SLC16A5: variants seen among roughly 807,000 people sequenced by gnomAD.
SLC16A5 encodes the protein solute carrier family 16 member 5.
SLC16A5 carries 29 observed loss-of-function variants against 33.2 expected under a neutral mutation model. The observed-to-expected ratio is 0.87, with a 90% CI of 0.65 to 1.19. The LOEUF is 1.19. Ranked by LOEUF, SLC16A5 falls within the 50% of genes most tolerant of loss-of-function variation. The pLI, the probability that SLC16A5 is intolerant of heterozygous loss-of-function variation, is 0.00. For synonymous variants in SLC16A5, 248 were observed against 284.1 expected (o/e 0.87, Z 1.28); for missense variants, 606 against 678.2 (o/e 0.89, Z 1.18).
chr17:75,103,920 G>T (rs1476159262), intron 5 of SLC16A5, 50 bp from the exon 6 acceptor site: 1 of 1,549,586 alleles, frequency 6.5e-7, no homozygotes, highest in Non-Finnish European at 8.9e-7. Context: ...ACACAGCTGA[G>T]TTGGGGGGAG....
At chr17:75,104,340 C>T in intron 6 of SLC16A5, 160 bp downstream of exon 6, 1 of 1,447,984 alleles carries the variant, frequency 6.9e-7, no homozygotes, top group East Asian at 2.5e-5. Context: ...CCCGGGCTGT[C>T]CAGGCTCTGC....
chr17:75,089,806 A>C (rs2073614464), intron 2 of SLC16A5: 1 of 150,560 alleles, frequency 6.6e-6, no homozygotes, highest in African/African-American at 2.4e-5. Flanking sequence ...GGTGCAGCCC[A>C]GCCTGGGGTG....
chr17:75,098,372 G>A (rs71380871), intron 4 of SLC16A5, among the ~76,000 whole-genome samples, 191 bp downstream of exon 4: 12,346 of 151,538 alleles, frequency 0.081, 720 homozygotes, highest in African/African-American at 0.17. Context: ...AGACTAGCCC[G>A]GCCAACATGG....
Position 75,105,860 on chromosome 17 carries a change from G to A in SLC16A5, c.1365-20G>A. ...GCTCCGCAAGAAAACCTTATCAGGA[G>A]ATTTTATTTTCATGAACAGGTGCCA... On this transcript the variant is annotated intron_variant, in intron 6 of 6. Transcript: ENST00000329783. 1 of 1,567,632 alleles carries A rather than the reference G, an allele frequency of 6.4e-7. No homozygotes were observed. The highest frequency in any genetic ancestry group is 8.7e-7 in the Non-Finnish European group (1 of 1,151,428).
chr17:75,100,952 T>TA, intron 5 of SLC16A5, 136 bp downstream of exon 5: 1 of 922,130 alleles, frequency 1.1e-6, no homozygotes, highest in South Asian at 1.8e-5. Flanking sequence ...TATGAACAGT[T>TA]AAAAACATGG....
chr17:75,099,719 G>A (rs554184702), intron 4 of SLC16A5, among the ~76,000 whole-genome samples: 13 of 152,312 alleles, frequency 8.5e-5, no homozygotes, highest in African/African-American at 2.9e-4. Flanking sequence ...GATTACAGGC[G>A]TGAGCCACCG....
In SLC16A5 at chr17:75,093,582, T is replaced by TC. The variant is rs747665475; in HGVS notation, c.-48-3dup. ...GACCACCAGGCTCCATTCTGTCCCC[T>TC]CCCCAGGCAGCAGCCACATTGGCAG... On this transcript the variant is annotated splice_polypyrimidine_tract_variant and splice_region_variant and intron_variant, in intron 2 of 6. Transcript: ENST00000329783. The TC allele has an allele frequency of 6.7e-7, 1 of 1,503,504 alleles. No homozygotes were observed. Among genetic ancestry groups the TC allele is most frequent in the South Asian group, 1.1e-5 (1 of 87,204 alleles). 93.1% of individuals were successfully genotyped at this position (1,503,504 alleles called of 1,614,324 possible).
intron 3 of SLC16A5, among the ~76,000 whole-genome samples, chr17:75,096,154 G>A (rs1192109820): frequency 1.3e-5 from 2 of 151,920 alleles, no homozygotes; most frequent in South Asian, 4.1e-4. Context: ...TACTTTCACT[G>A]ATCCTTTCAA....
chr17:75,103,501 TG>T (rs2073825517), intron 5 of SLC16A5, among the ~76,000 whole-genome samples: 1 of 151,596 alleles, frequency 6.6e-6, no homozygotes, highest in South Asian at 2.1e-4. Context: ...GTCTAATTTT[TG>T]TAGTTTTGGT....
upstream of SLC16A5, chr17:75,087,885 G>C (rs1408879529): frequency 6.6e-6 from 1 of 152,484 alleles, no homozygotes; most frequent in Non-Finnish European, 1.5e-5. Context: ...GGAATCCCGG[G>C]GAGGCTGGAA....
downstream of SLC16A5, among the ~76,000 whole-genome samples, chr17:75,106,766 T>G (rs147313159): frequency 0.019 from 2,836 of 151,570 alleles, 37 homozygotes; most frequent in Non-Finnish European, 0.03. Flanking sequence ...GTGGTAGCAG[T>G]CGCCTGTAAT....
chr17:75,092,153 C>T (rs550736244), intron 2 of SLC16A5, among the ~76,000 whole-genome samples: 89 of 151,864 alleles, frequency 5.9e-4, no homozygotes, highest in Admixed American at 2.4e-3. Flanking sequence ...ATGCGTGTGT[C>T]TCTCTGTGTT....
chr17:75,089,677 C>G (rs1171110322), intron 2 of SLC16A5, among the ~76,000 whole-genome samples: 1 of 151,038 alleles, frequency 6.6e-6, no homozygotes, highest in Admixed American at 6.6e-5. Context: ...TTGCTTGAAC[C>G]CGGGAGGCAG....
At chr17:75,104,882 C>T (rs999077163) in intron 6 of SLC16A5, 12 of 985,342 alleles carry the variant, frequency 1.2e-5, no homozygotes, top group African/African-American at 5.2e-5. Context: ...GCCGGCTCAG[C>T]GCAGCTGGCT....
Position 75,100,227 on chromosome 17 carries a change from C to T in SLC16A5, c.564C>T (p.Ile188=). 3 of 1,614,250 alleles carry T rather than the reference C, an allele frequency of 1.9e-6. No homozygotes were observed. The highest frequency in any genetic ancestry group is 2.5e-6 in the Non-Finnish European group (3 of 1,180,038). The change falls in exon 5 of 7, where the codon ATC becomes ATT. Residue 188 remains isoleucine (I), a synonymous_variant. Transcript: ENST00000329783. ...TCCACTGCTGCATCTGCGGGGCCAT[C>T]ATAAGGCCTGTGGCCACCAGTGTGG... ...IFLHCCICGA[I]IRPVATSVAP...
chr17:75,109,538 C>CT (rs1246087542), downstream of SLC16A5, among the ~76,000 whole-genome samples: 1 of 152,200 alleles, frequency 6.6e-6, no homozygotes, highest in African/African-American at 2.4e-5. The surrounding 1 kb of genome is among the most constrained non-coding windows in gnomAD (Gnocchi z 5.0). Context: ...CTCTGCTGCG[C>CT]TCCTGAGTTG....
intron 3 of SLC16A5, among the ~76,000 whole-genome samples, 181 bp from the exon 4 acceptor site, chr17:75,097,857 G>A (rs1054907057): frequency 6.6e-6 from 1 of 152,176 alleles, no homozygotes; most frequent in African/African-American, 2.4e-5. Flanking sequence ...GCACGGAGAG[G>A]GATCAGGCTT....
chr17:75,092,630 T>A (rs1212956948), intron 2 of SLC16A5, among the ~76,000 whole-genome samples: 1 of 151,988 alleles, frequency 6.6e-6, no homozygotes, highest in East Asian at 1.9e-4. Flanking sequence ...CGGCCAAGTG[T>A]GTGTCTTTAT....
At chr17:75,104,364 G>A in intron 6 of SLC16A5, 184 bp downstream of exon 6, 1 of 1,420,408 alleles carries the variant, frequency 7.0e-7, no homozygotes, top group Non-Finnish European at 9.2e-7. Flanking sequence ...CTGGGACTCT[G>A]CCAGGAGCTG....
Sources: gnomAD v4.1 joint callset for allele counts (sites outside exome capture counted in the v4.1 genomes callset) on GRCh38, gnomAD v4.1.1 for gene constraint, Gnocchi (gnomAD v3.1) non-coding constraint, MANE v1.5 for transcripts, NCBI Gene and HGNC (gene_info 2026-07-23, HGNC 2026-07-21) for gene names.